ABI1: variants seen among roughly 807,000 people sequenced by gnomAD.
The protein encoded by ABI1 is abl interactor 1.
In ABI1, 14 loss-of-function variants were observed where a neutral mutation model predicts 54.6. The ratio of observed to expected loss-of-function variants is 0.26; its 90% CI spans 0.17 to 0.40. The LOEUF is 0.40. Ranked by LOEUF, ABI1 falls within the 10% of genes least tolerant of loss-of-function variation. ABI1 has a pLI of 1.00. For synonymous variants in ABI1, 194 were observed against 209.3 expected (o/e 0.93, Z 0.63); for missense variants, 443 against 598.3 (o/e 0.74, Z 2.71).
intron 2 of ABI1, among the ~76,000 whole-genome samples, chr10:26,794,882 G>A (rs909578937): frequency 6.6e-6 from 1 of 152,126 alleles, no homozygotes; most frequent in South Asian, 2.1e-4. Context: ...GGTGGCTCAT[G>A]CCTGTAATCC....
chr10:26,757,998 G>A (rs950028185), intron 8 of ABI1, among the ~76,000 whole-genome samples: 4 of 150,064 alleles, frequency 2.7e-5, no homozygotes, highest in Non-Finnish European at 5.9e-5. Flanking sequence ...ATCCTGGGAG[G>A]GTGAGGTTGC....
chr10:26,815,168 T>C lies in ABI1; in HGVS notation c.285+7970A>G, dbSNP rs191378272. ...ATAGCAATTTGGAAGAGCAAGGAAA[T>C]ACTCTTTTTAATTCCCCAATTAAGA... On this transcript the variant is annotated intron_variant, in intron 2 of 10. Transcript: ENST00000376140. Among the ~76,000 whole-genome samples, 76 of 152,194 alleles carry C rather than the reference T, an allele frequency of 5.0e-4. No individual in the cohort carries two copies. The Middle Eastern group carries it at 0.01, about 20-fold the overall frequency.
At chr10:26,828,725 G>C (rs537560591) in intron 1 of ABI1, among the ~76,000 whole-genome samples, 2 of 152,124 alleles carry the variant, frequency 1.3e-5, no homozygotes, top group East Asian at 3.9e-4. Flanking sequence ...TTGAAAGAGG[G>C]GAAGGAAAAA....
At chr10:26,816,370 T>C (rs780813090) in intron 2 of ABI1, among the ~76,000 whole-genome samples, 1 of 152,060 alleles carries the variant, frequency 6.6e-6, no homozygotes, top group East Asian at 1.9e-4. Context: ...TGAAGGCAAA[T>C]GTATTAACAT....
At chr10:26,847,946 T>C (rs531327257) in intron 1 of ABI1, among the ~76,000 whole-genome samples, 1 of 151,744 alleles carries the variant, frequency 6.6e-6, no homozygotes, top group African/African-American at 2.4e-5. Context: ...GTCAGGAGGA[T>C]TGCTACGTTG....
intron 1 of ABI1, among the ~76,000 whole-genome samples, chr10:26,828,067 AT>A (rs2048426298): frequency 6.6e-6 from 1 of 152,126 alleles, no homozygotes; most frequent in Non-Finnish European, 1.5e-5. Context: ...GTAGTTTTTT[AT>A]TTTAAATGAG....
chr10:26,860,597 C>T lies in ABI1; in HGVS notation c.117+150G>A. 1 of 662,812 alleles carries T rather than the reference C, an allele frequency of 1.5e-6. No individual in the cohort carries two copies. Among genetic ancestry groups the T allele is most frequent in the Non-Finnish European group, 2.7e-6 (1 of 375,002 alleles). 41.1% of individuals were successfully genotyped at this position (662,812 alleles called of 1,614,324 possible). ...CCTCAGCCCGGCCACTCGCTCTGTCCCCGGTTGGGGCTGGGGTTGGGGCTG... is the reference window on the plus strand; with the variant it reads ...CCTCAGCCCGGCCACTCGCTCTGTCTCCGGTTGGGGCTGGGGTTGGGGCTG... On this transcript the variant is annotated intron_variant, in intron 1 of 10. Transcript: ENST00000376140. The surrounding 1 kb of genome is among the most constrained non-coding windows in gnomAD (Gnocchi z 4.1).
intron 2 of ABI1, among the ~76,000 whole-genome samples, chr10:26,780,954 G>A (rs1421027602): frequency 6.6e-6 from 1 of 152,188 alleles, no homozygotes; most frequent in African/African-American, 2.4e-5. Flanking sequence ...TGAGTGTATA[G>A]TGGTATTGAT....
chr10:26,755,633 A>C, intron 9 of ABI1, 22 bp downstream of exon 9: 1 of 1,582,244 alleles, frequency 6.3e-7, no homozygotes, highest in Non-Finnish European at 8.7e-7. Context: ...ACTCTTCCAT[A>C]GCTCAGTTTT....
intron 2 of ABI1, among the ~76,000 whole-genome samples, chr10:26,796,928 G>T (rs990689225): frequency 3.3e-5 from 5 of 152,078 alleles, no homozygotes; most frequent in African/African-American, 1.2e-4. Context: ...TCACAATAGG[G>T]TTTGCGCTCC....
At chr10:26,786,039 T>G (rs1842698542) in intron 2 of ABI1, among the ~76,000 whole-genome samples, 1 of 152,176 alleles carries the variant, frequency 6.6e-6, no homozygotes, top group Non-Finnish European at 1.5e-5. Context: ...GATTTTAGCT[T>G]GCATGGAGGG....
chr10:26,859,459 C>A (rs1200901357), intron 1 of ABI1, among the ~76,000 whole-genome samples: 4 of 152,206 alleles, frequency 2.6e-5, no homozygotes, highest in Admixed American at 6.5e-5. Context: ...ATTGCAATAA[C>A]CCTAACCTTT....
At chr10:26,783,130 T>C (rs943060131) in intron 2 of ABI1, among the ~76,000 whole-genome samples, 2 of 152,206 alleles carry the variant, frequency 1.3e-5, no homozygotes, top group African/African-American at 4.8e-5. Flanking sequence ...GACTTAACAA[T>C]GAAGGAACTT....
At chr10:26,846,730 G>T (rs774396276) in intron 1 of ABI1, among the ~76,000 whole-genome samples, 1 of 152,036 alleles carries the variant, frequency 6.6e-6, no homozygotes, top group Non-Finnish European at 1.5e-5. Flanking sequence ...CCTCTTCACA[G>T]ATGACTCTGT....
intron 2 of ABI1, among the ~76,000 whole-genome samples, chr10:26,813,717 CT>C (rs11307040): frequency 0.57 from 87,220 of 151,934 alleles, 27,210 homozygotes; most frequent in African/African-American, 0.83. Flanking sequence ...CAGTGATCGT[CT>C]TACCAAACAT....
intron 1 of ABI1, among the ~76,000 whole-genome samples, chr10:26,833,681 G>A (rs2048834098): frequency 1.3e-5 from 2 of 151,922 alleles, no homozygotes; most frequent in Non-Finnish European, 2.9e-5. Context: ...TATAGCAAGA[G>A]CCATGATGAT....
chr10:26,771,231 GAA>G, intron 3 of ABI1, 142 bp from the exon 4 acceptor site: 1 of 827,678 alleles, frequency 1.2e-6, no homozygotes, highest in Non-Finnish European at 2.0e-6. Context: ...ACTTTGTAAA[GAA>G]AAAGAGATCC....
intron 2 of ABI1, among the ~76,000 whole-genome samples, chr10:26,791,955 T>C (rs891156972): frequency 9.8e-5 from 15 of 152,304 alleles, no homozygotes; most frequent in African/African-American, 3.4e-4. Flanking sequence ...GTATATGTAA[T>C]ACGGATAAAT....
In ABI1 at chr10:26,858,785, A is replaced by G. The variant is rs117219830; in HGVS notation, c.117+1962T>C. On this transcript the variant is annotated intron_variant, in intron 1 of 10. Coordinates refer to ENST00000376140, the MANE Select transcript of ABI1 (RefSeq NM_001012750.3). ...ACTACCTGAAAAAGTAATAGTACACAGACAGGTTAAAACACGTTTACAGTT... is the reference window on the plus strand; with the variant it reads ...ACTACCTGAAAAAGTAATAGTACACGGACAGGTTAAAACACGTTTACAGTT... 4.7e-3 allele frequency among the ~76,000 whole-genome samples: 718 copies of G among 152,316 alleles called. 6 individuals carry two copies. The highest frequency in any genetic ancestry group is 0.015 in the South Asian group (71 of 4,824).
Sources: gnomAD v4.1 joint callset for allele counts (sites outside exome capture counted in the v4.1 genomes callset) on GRCh38, gnomAD v4.1.1 for gene constraint, Gnocchi (gnomAD v3.1) non-coding constraint, MANE v1.5 for transcripts, NCBI Gene and HGNC (gene_info 2026-07-23, HGNC 2026-07-21) for gene names.